The following CFTR variants were observed in gnomAD, a reference collection of about 807,000 sequenced individuals.
The protein encoded by CFTR is cystic fibrosis transmembrane conductance regulator.
CFTR carries 181 observed loss-of-function variants against 171.6 expected under a neutral mutation model. That is an observed-to-expected ratio of 1.05 (90% CI 0.93 to 1.19). CFTR has a LOEUF of 1.19. Among genes scored for constraint, CFTR ranks in the 50% most tolerant of loss-of-function variants. The probability of loss-of-function intolerance (pLI) is 0.00; values close to 1 mark genes in which losing one functional copy is unlikely to be tolerated. For synonymous variants in CFTR, 583 were observed against 608.0 expected, an observed-to-expected ratio of 0.96 and a Z score of 0.60; for missense variants, 1,968 against 1,734.7, an observed-to-expected ratio of 1.13 and a Z score of -2.39.
rs55700428 is a variant in CFTR, at chr7:117,556,512, C to CTTTTTTTTT, written c.1393-2935_1393-2927dup. Reference sequence around the variant, plus strand: ...TCTCTATGTTTTATTTGTTTCATTTCTTTTTTTTTTTTTTTTTTTTTTTTT... The same window carrying CTTTTTTTTT: ...TCTCTATGTTTTATTTGTTTCATTTCTTTTTTTTTTTTTTTTTTTTTTTTTTTTTTTTTT... On this transcript the variant is annotated intron_variant, in intron 10 of 26. Transcript: ENST00000003084. 9.4e-4 allele frequency among the ~76,000 whole-genome samples: 43 copies of CTTTTTTTTT among 45,906 alleles called. 1 individual carries two copies. Among genetic ancestry groups the CTTTTTTTTT allele is most frequent in the African/African-American group, 3.8e-3 (39 of 10,242 alleles). 30.1% of individuals were successfully genotyped at this position (45,906 alleles called of 152,430 possible).
At chr7:117,482,033 T>C (rs1798007313) in intron 1 of CFTR, among the ~76,000 whole-genome samples, 1 of 152,218 alleles carries the variant, frequency 6.6e-6, no homozygotes. Context: ...TATTATGGAT[T>C]ACCATATTTT....
chr7:117,547,596 G>C (rs928548570), intron 9 of CFTR, among the ~76,000 whole-genome samples: 10 of 152,072 alleles, frequency 6.6e-5, no homozygotes, highest in Non-Finnish European at 1.2e-4. Context: ...TCTAAGAATA[G>C]ATAGGACATG....
chr7:117,498,454 C>T (rs1255821295), intron 1 of CFTR, among the ~76,000 whole-genome samples: 1 of 152,138 alleles, frequency 6.6e-6, no homozygotes, highest in Non-Finnish European at 1.5e-5. Context: ...GACCCCAATA[C>T]TGCGATTTTA....
At chr7:117,523,596 C>A (rs1692965065) in intron 3 of CFTR, among the ~76,000 whole-genome samples, 1 of 152,118 alleles carries the variant, frequency 6.6e-6, no homozygotes, top group African/African-American at 2.4e-5. Flanking sequence ...CCAGGACGGT[C>A]TTGATCTCCT....
At chr7:117,567,270 A>G (rs923411379) in intron 11 of CFTR, among the ~76,000 whole-genome samples, 4 of 152,212 alleles carry the variant, frequency 2.6e-5, no homozygotes, top group Admixed American at 2.0e-4. Flanking sequence ...TTATTTTTTA[A>G]TGGTACCTTA....
intron 11 of CFTR, among the ~76,000 whole-genome samples, chr7:117,573,714 G>T (rs762003564): frequency 6.6e-6 from 1 of 152,066 alleles, no homozygotes; most frequent in Non-Finnish European, 1.5e-5. Context: ...TGGCAGTGGA[G>T]GATGGTTTGA....
intron 3 of CFTR, among the ~76,000 whole-genome samples, chr7:117,526,064 T>G (rs1798774944): frequency 6.6e-6 from 1 of 150,920 alleles, no homozygotes; most frequent in African/African-American, 2.5e-5. Flanking sequence ...AGGAGCTCTT[T>G]TAGGGCAGGC....
At chr7:117,630,127 C>A (rs34587451) in intron 22 of CFTR, among the ~76,000 whole-genome samples, 5,568 of 152,278 alleles carry the variant, frequency 0.037, 141 homozygotes, top group African/African-American at 0.047. Context: ...GTTTCACAGA[C>A]CTTCATTTGC....
In CFTR at chr7:117,592,495, A is replaced by G. The variant is rs2116033048; in HGVS notation, c.2328A>G (p.Ser776=). The change falls in exon 14 of 27, where the codon TCA becomes TCG. Residue 776 remains serine (S), a synonymous_variant. Coordinates refer to ENST00000003084, the MANE Select transcript of CFTR (RefSeq NM_000492.4). The part of the protein sequence containing the change: ...RQSVLNLMTH[S]VNQGQNIHRK... ...CTGTCCTGAACCTGATGACACACTC[A>G]GTTAACCAAGGTCAGAACATTCACC... 23 of 1,543,328 alleles carry G rather than the reference A, an allele frequency of 1.5e-5. No individual in the cohort carries two copies. The highest frequency in any genetic ancestry group is 2.0e-5 in the Non-Finnish European group (23 of 1,148,146).
intron 20 of CFTR, among the ~76,000 whole-genome samples, chr7:117,612,665 C>T (rs1393288764): frequency 3.3e-5 from 5 of 152,112 alleles, no homozygotes; most frequent in Admixed American, 2.0e-4. Flanking sequence ...CTACTCAAAC[C>T]GAAAGCAGGC....
At chr7:117,585,263 TC>T (rs1298634771) in intron 11 of CFTR, among the ~76,000 whole-genome samples, 2 of 152,082 alleles carry the variant, frequency 1.3e-5, no homozygotes, top group African/African-American at 4.8e-5. Flanking sequence ...TAACTTCCCT[TC>T]CCTGTCTCTT....
In CFTR at chr7:117,665,052, G is replaced by A. The variant is rs145708663; in HGVS notation, c.4136+192G>A. On this transcript the variant is annotated intron_variant, in intron 25 of 26. Coordinates refer to ENST00000003084, the MANE Select transcript of CFTR (RefSeq NM_000492.4). ...TGCTAAGAGTCTTGTGTTTTCTTCC[G>A]AAGATAGTTTTTAGTTTCATACAAA... 4.1e-3 allele frequency among the ~76,000 whole-genome samples: 621 copies of A among 152,258 alleles called. 8 individuals are homozygous for A. Among genetic ancestry groups the A allele is most frequent in the Middle Eastern group, 0.014 (4 of 294 alleles).
At chr7:117,663,718 G>A (rs1793324682) in intron 24 of CFTR, among the ~76,000 whole-genome samples, 2 of 152,044 alleles carry the variant, frequency 1.3e-5, no homozygotes, top group South Asian at 4.1e-4. Flanking sequence ...TTACAGTCAG[G>A]TGGAGCCCAT....
In CFTR at chr7:117,480,120, C is replaced by T. The variant is rs949472192; in HGVS notation, c.26C>T (p.Ala9Val). Residue 9 changes from alanine (A) to valine (V), a missense_variant, in exon 1 of 27, where the codon GCC becomes GTC. Ala to Val is a moderately conservative substitution (Grantham distance 64). Coordinates refer to ENST00000003084, the MANE Select transcript of CFTR (RefSeq NM_000492.4). Reference sequence around the variant, plus strand: ...ATGCAGAGGTCGCCTCTGGAAAAGGCCAGCGTTGTCTCCAAACTTTTTTTC... The same window carrying T: ...ATGCAGAGGTCGCCTCTGGAAAAGGTCAGCGTTGTCTCCAAACTTTTTTTC... MQRSPLEK[A>V]SVVSKLFFSW... The T allele has an allele frequency of 1.9e-5, 30 of 1,613,632 alleles. No individual in the cohort carries two copies. The highest frequency in any genetic ancestry group is 2.5e-5 in the Non-Finnish European group (29 of 1,179,848).
chr7:117,668,583 A>G lies in CFTR; in HGVS notation c.*1475A>G, dbSNP rs1272713141. On this transcript the variant is annotated 3_prime_UTR_variant, in exon 27 of 27. Transcript: ENST00000003084. ...AGGGTACACTGCCTTCTCAACTCCA[A>G]ACTGACTCTTAAGAAGACTGCATTA... is the stretch of plus-strand genomic sequence containing the variant. 1 of 152,654 alleles carries G rather than the reference A, an allele frequency of 6.6e-6. No homozygotes were observed. The highest frequency in any genetic ancestry group is 1.5e-5 in the Non-Finnish European group (1 of 68,048). 9.5% of individuals were successfully genotyped at this position (152,654 alleles called of 1,614,324 possible).
intron 1 of CFTR, among the ~76,000 whole-genome samples, chr7:117,486,420 C>T (rs1301363300): frequency 6.6e-6 from 1 of 152,112 alleles, no homozygotes; most frequent in Non-Finnish European, 1.5e-5. Flanking sequence ...TTCTCGAGGG[C>T]TTCATTGAAG....
intron 7 of CFTR, 53 bp downstream of exon 7, chr7:117,536,726 T>A (rs1798965696): frequency 6.9e-7 from 1 of 1,459,246 alleles, no homozygotes. Context: ...CTTAATTTTT[T>A]AAAAATATGT....
At chr7:117,662,369 T>A (rs2116216164) in intron 24 of CFTR, among the ~76,000 whole-genome samples, 1 of 152,254 alleles carries the variant, frequency 6.6e-6, no homozygotes, top group South Asian at 2.1e-4. Flanking sequence ...GCTTACAGTC[T>A]AACGAGGGAA....
intron 24 of CFTR, among the ~76,000 whole-genome samples, chr7:117,662,089 G>A (rs998683132): frequency 6.6e-6 from 1 of 151,228 alleles, no homozygotes; most frequent in African/African-American, 2.4e-5. Flanking sequence ...TTGATTTTGT[G>A]AGAAATTTAT....
Sources: allele counts gnomAD v4.1 joint callset (sites outside exome capture counted in the v4.1 genomes callset), GRCh38; gene constraint gnomAD v4.1.1; transcripts MANE v1.5; gene names NCBI Gene and HGNC (gene_info 2026-07-23, HGNC 2026-07-21).